TRDN: variants seen among roughly 807,000 people sequenced by gnomAD.
TRDN encodes triadin.
A neutral mutation model predicts 149.7 loss-of-function variants in TRDN; 161 were observed. The observed-to-expected ratio is 1.08, with a 90% confidence interval of 0.95 to 1.23. The LOEUF (loss-of-function observed/expected upper bound fraction) is 1.23, where lower values mean the gene tolerates loss of function less well. TRDN is among the 50% of genes most tolerant of loss of function. The pLI is 0.00. For missense variants in TRDN, 896 were observed against 823.5 expected (o/e 1.09, Z -1.08); for synonymous variants, 294 against 250.5 (o/e 1.17, Z -1.64).
intron 5 of TRDN, among the ~76,000 whole-genome samples, chr6:123,522,771 C>T (rs1779753121): frequency 6.6e-6 from 1 of 152,070 alleles, no homozygotes; most frequent in Admixed American, 6.6e-5. Flanking sequence ...TAGAGATTAA[C>T]AAAACAGAAG....
At chr6:123,382,018 T>C (rs1781742155) in intron 15 of TRDN, 100 bp downstream of exon 15, 1 of 807,030 alleles carries the variant, frequency 1.2e-6, no homozygotes, top group Middle Eastern at 2.6e-4. Context: ...TTCTCCTCTA[T>C]CCCACACATA....
chr6:123,304,503 C>T (rs986206246), intron 24 of TRDN, among the ~76,000 whole-genome samples: 2 of 151,922 alleles, frequency 1.3e-5, no homozygotes, highest in African/African-American at 2.4e-5. Flanking sequence ...CCGCCAGCCT[C>T]GGCCTCCCAA....
chr6:123,273,501 G>C, intron 27 of TRDN, 138 bp from the exon 28 acceptor site: 2 of 358,138 alleles, frequency 5.6e-6, no homozygotes. Context: ...TTAAAGAAAA[G>C]TAAAACTGGC....
intron 22 of TRDN, among the ~76,000 whole-genome samples, chr6:123,334,545 G>C (rs905953534): frequency 2.0e-5 from 3 of 151,926 alleles, no homozygotes; most frequent in African/African-American, 7.2e-5. Flanking sequence ...CAATATCATG[G>C]GTCACTAACA....
chr6:123,517,084 G>A (rs1018606793), intron 5 of TRDN, among the ~76,000 whole-genome samples: 1 of 152,102 alleles, frequency 6.6e-6, no homozygotes, highest in African/African-American at 2.4e-5. Flanking sequence ...AATGACTAGT[G>A]GATGCTAAGC....
intron 4 of TRDN, among the ~76,000 whole-genome samples, chr6:123,542,894 G>C (rs897732579): frequency 1.3e-5 from 2 of 150,824 alleles, no homozygotes; most frequent in Non-Finnish European, 3.0e-5. Context: ...GTGTCTGTCT[G>C]TCTGTCACTG....
chr6:123,503,248 G>T (rs1778774356), intron 8 of TRDN: 1 of 984,892 alleles, frequency 1.0e-6, no homozygotes. Context: ...TAAATGATGT[G>T]CTCTTGCCAA....
chr6:123,257,659 G>GT (rs1408633759), intron 35 of TRDN, among the ~76,000 whole-genome samples: 2 of 152,062 alleles, frequency 1.3e-5, no homozygotes, highest in African/African-American at 2.4e-5. Flanking sequence ...ATTTAAAGTA[G>GT]TTTTTTCTAA....
At chr6:123,608,355 G>A (rs544445035) in intron 1 of TRDN, among the ~76,000 whole-genome samples, 3 of 152,024 alleles carry the variant, frequency 2.0e-5, no homozygotes, top group Non-Finnish European at 4.4e-5. Flanking sequence ...ATCCCAGCAC[G>A]GTCTTCAAAA....
chr6:123,575,009 C>A (rs1169112520), intron 1 of TRDN, among the ~76,000 whole-genome samples: 1 of 150,882 alleles, frequency 6.6e-6, no homozygotes, highest in Non-Finnish European at 1.5e-5. Context: ...AATATGAATT[C>A]TAAATTTGTA....
At position 123,623,242 on chromosome 6, in the gene TRDN, G is replaced by A. The variant is rs187689091; in HGVS notation, c.22+13512C>T. Among the ~76,000 whole-genome samples the A allele has an allele frequency of 4.3e-3, 648 of 151,964 alleles. 4 individuals carry two copies. The highest frequency in any genetic ancestry group is 0.014 in the African/African-American group (581 of 41,490). ...GGCAAACAAATAACTGATTGGAGAA[G>A]CAAAATGACCTTCTCACCAATCCAA... On this transcript the variant is annotated intron_variant, in intron 1 of 40. Coordinates refer to ENST00000334268, the MANE Select transcript of TRDN (RefSeq NM_006073.4).
chr6:123,558,339 TC>T (rs1470814069), intron 2 of TRDN, among the ~76,000 whole-genome samples: 3 of 151,900 alleles, frequency 2.0e-5, no homozygotes, highest in Non-Finnish European at 4.4e-5. Flanking sequence ...CAGCCTCCAC[TC>T]CCGCACCCTA....
chr6:123,221,406 A>T (rs1775143248), intron 40 of TRDN, 81 bp downstream of exon 40: 2 of 1,051,428 alleles, frequency 1.9e-6, no homozygotes, highest in Non-Finnish European at 1.4e-6. Flanking sequence ...TACTGGTCTT[A>T]AGAGAGTCTA....
At chr6:123,455,769 T>C (rs1179943068) in intron 10 of TRDN, among the ~76,000 whole-genome samples, 1 of 152,172 alleles carries the variant, frequency 6.6e-6, no homozygotes, top group Admixed American at 6.5e-5. Flanking sequence ...GTAGAAATAG[T>C]AAAGAAAACA....
intron 23 of TRDN, among the ~76,000 whole-genome samples, chr6:123,326,219 G>T (rs1779449513): frequency 6.6e-6 from 1 of 152,012 alleles, no homozygotes. Flanking sequence ...CAGAATACAG[G>T]TTCACAAGTG....
chr6:123,498,985 A>C (rs1475082199), intron 8 of TRDN, among the ~76,000 whole-genome samples: 1 of 152,218 alleles, frequency 6.6e-6, no homozygotes, highest in Non-Finnish European at 1.5e-5. Context: ...ATCCAAAAAA[A>C]ATTAAAATGC....
intron 24 of TRDN, among the ~76,000 whole-genome samples, chr6:123,285,326 C>G (rs1003958100): frequency 2.6e-5 from 4 of 151,990 alleles, no homozygotes; most frequent in Non-Finnish European, 5.9e-5. Flanking sequence ...CAGTGTGGTA[C>G]TGGTATAAAA....
chr6:123,585,507 A>G (rs373952360), intron 1 of TRDN, among the ~76,000 whole-genome samples: 31 of 152,138 alleles, frequency 2.0e-4, no homozygotes, highest in Admixed American at 1.2e-3. Flanking sequence ...GAAGCTCGGC[A>G]TCCATGATGG....
chr6:123,391,788 T>C (rs1772482939), intron 13 of TRDN, among the ~76,000 whole-genome samples: 1 of 152,094 alleles, frequency 6.6e-6, no homozygotes, highest in Admixed American at 6.6e-5. Context: ...CCTTTTACCA[T>C]GCCACAAAGA....
Sources: gnomAD v4.1 joint callset for allele counts (sites outside exome capture counted in the v4.1 genomes callset) on GRCh38, gnomAD v4.1.1 for gene constraint, MANE v1.5 for transcripts, NCBI Gene and HGNC (gene_info 2026-07-23, HGNC 2026-07-21) for gene names.